DDX60L: variants seen among roughly 807,000 people sequenced by gnomAD.
DDX60L encodes DExD/H-box 60 like, also known as probable ATP-dependent RNA helicase DDX60-like.
Under a neutral mutation model 211.6 loss-of-function variants are expected in DDX60L, and 191 were observed. That is an observed-to-expected ratio of 0.90 (90% CI 0.80 to 1.02). The LOEUF (loss-of-function observed/expected upper bound fraction) is 1.02. Ranked by LOEUF, DDX60L falls within the 50% of genes least tolerant of loss-of-function variation. DDX60L has a pLI of 0.00. For missense variants in DDX60L, 2,007 were observed against 1,984.1 expected, an observed-to-expected ratio of 1.01 and a Z score of -0.22; for synonymous variants, 706 against 694.1, an observed-to-expected ratio of 1.02 and a Z score of -0.27.
At chr4:168,371,861 C>G in intron 35 of DDX60L, 98 bp from the exon 36 acceptor site, 1 of 1,182,056 alleles carries the variant, frequency 8.5e-7, no homozygotes, top group Non-Finnish European at 1.2e-6. Context: ...TCTTAAAGTA[C>G]GTTCTGAAGA....
chr4:168,394,350 T>C, intron 28 of DDX60L, 115 bp downstream of exon 28: 3 of 750,970 alleles, frequency 4.0e-6, no homozygotes, highest in Non-Finnish European at 6.2e-6. Context: ...TGAGTTGTAA[T>C]AAAAAGACAC....
intron 4 of DDX60L, among the ~76,000 whole-genome samples, chr4:168,468,424 A>AT (rs1207790785): frequency 6.6e-6 from 1 of 152,118 alleles, no homozygotes; most frequent in South Asian, 2.1e-4. Flanking sequence ...TAGAAAAAGC[A>AT]TTTTTTAAAA....
At chr4:168,477,277 T>C (rs962798233) in intron 1 of DDX60L, among the ~76,000 whole-genome samples, 2 of 151,800 alleles carry the variant, frequency 1.3e-5, no homozygotes, top group East Asian at 1.9e-4. Context: ...TAGCCGGGCG[T>C]GGTGGCAGGC....
chr4:168,396,364 C>A (rs1024060807), intron 26 of DDX60L, among the ~76,000 whole-genome samples: 1 of 152,060 alleles, frequency 6.6e-6, no homozygotes, highest in African/African-American at 2.4e-5. Context: ...TCTCCTCCTT[C>A]ACACTGTAAC....
intron 33 of DDX60L, 134 bp downstream of exon 33, chr4:168,378,220 T>G: frequency 2.1e-6 from 1 of 482,562 alleles, no homozygotes; most frequent in East Asian, 3.6e-5. Flanking sequence ...AGAACTCTAA[T>G]TATGAAAAGA....
intron 36 of DDX60L, among the ~76,000 whole-genome samples, chr4:168,371,373 C>A (rs897917954): frequency 6.7e-6 from 1 of 148,264 alleles, no homozygotes; most frequent in African/African-American, 2.5e-5. Context: ...AGTTTCTAAT[C>A]ACCAGAAATC....
intron 37 of DDX60L, among the ~76,000 whole-genome samples, chr4:168,360,489 T>TAACAAGG (rs140054835): frequency 0.01 from 1,534 of 152,292 alleles, 28 homozygotes; most frequent in African/African-American, 0.034. Context: ...ATGTCCTCAC[T>TAACAAGG]AACAAGGAAC....
In DDX60L at chr4:168,373,755, A is replaced by G. The variant is rs200007771; in HGVS notation, c.4687T>C (p.Cys1563Arg). 1 of 1,614,082 alleles carries G rather than the reference A, an allele frequency of 6.2e-7. No homozygotes were observed. Among genetic ancestry groups the G allele is most frequent in the Non-Finnish European group, 8.5e-7 (1 of 1,179,946 alleles). Reference protein sequence around the residue: ...DSQLVSHLMSCKKGRVAISPF... With the variant: ...DSQLVSHLMSRKKGRVAISPF... ...GAAATGGCTACTCTTCCTTTCTTGC[A>G]GCTCATCAAGTGAGACACGAGTTGG... Residue 1563 changes from cysteine to arginine, a missense_variant, in exon 35 of 38, where the codon TGC (cysteine) becomes CGC (arginine). Coordinates refer to ENST00000682922, the MANE Select transcript of DDX60L (RefSeq NM_001012967.3).
chr4:168,457,517 A>G lies in DDX60L; in HGVS notation c.723+375T>C, dbSNP rs958962290. On this transcript the variant is annotated intron_variant, in intron 6 of 37. Coordinates refer to ENST00000682922, the MANE Select transcript of DDX60L (RefSeq NM_001012967.3). ...GTAGTATAAAGCATAGCTTGAGAAG[A>G]TAATCAGAAAATTAGACTTAAGGTA... 7.9e-5 allele frequency among the ~76,000 whole-genome samples: 12 copies of G among 152,170 alleles called. No individual in the cohort carries two copies. In the East Asian group the frequency reaches 1.2e-3, roughly 15 times the overall value.
In DDX60L at chr4:168,453,123, C is replaced by G; in HGVS notation, c.996+1G>C. The G allele has an allele frequency of 6.2e-7, 1 of 1,601,426 alleles. No homozygotes were observed. Among genetic ancestry groups the G allele is most frequent in the Non-Finnish European group, 8.5e-7 (1 of 1,174,836 alleles). On this transcript the variant is annotated splice_donor_variant, in intron 8 of 37. Transcript: ENST00000682922. LOFTEE classifies it high-confidence loss of function. Reference sequence around the variant, plus strand: ...ACAAAAAATAAACAAAATATGTTTACCATTTTTAAGAAAGAATCACTGTTC... The same window carrying G: ...ACAAAAAATAAACAAAATATGTTTAGCATTTTTAAGAAAGAATCACTGTTC...
intron 20 of DDX60L, among the ~76,000 whole-genome samples, chr4:168,416,360 G>A (rs1472509915): frequency 6.6e-6 from 1 of 152,124 alleles, no homozygotes; most frequent in African/African-American, 2.4e-5. Context: ...CTGGCTATGG[G>A]AGACCTTGAT....
chr4:168,441,901 C>A (rs1297905276), intron 9 of DDX60L, among the ~76,000 whole-genome samples: 1 of 152,004 alleles, frequency 6.6e-6, no homozygotes, highest in African/African-American at 2.4e-5. Context: ...TAATTATTCC[C>A]AAAAATAATG....
intron 37 of DDX60L, among the ~76,000 whole-genome samples, chr4:168,358,970 T>C (rs1163655209): frequency 6.6e-6 from 1 of 152,166 alleles, no homozygotes; most frequent in Non-Finnish European, 1.5e-5. Flanking sequence ...ATAGGGACAA[T>C]TATTTTTAAA....
At chr4:168,363,200 T>C (rs904479136) in intron 36 of DDX60L, among the ~76,000 whole-genome samples, 1 of 152,078 alleles carries the variant, frequency 6.6e-6, no homozygotes, top group Non-Finnish European at 1.5e-5. Context: ...GAATACTACA[T>C]CCAGGAAAGC....
At chr4:168,474,756 C>T (rs1561148961) in intron 1 of DDX60L, among the ~76,000 whole-genome samples, 1 of 152,078 alleles carries the variant, frequency 6.6e-6, no homozygotes, top group Admixed American at 6.5e-5. Flanking sequence ...TTGATCGAAG[C>T]TTATATAATC....
intron 4 of DDX60L, among the ~76,000 whole-genome samples, chr4:168,468,094 G>C (rs137920702): frequency 0.016 from 2,389 of 152,212 alleles, 26 homozygotes; most frequent in Middle Eastern, 0.027. Context: ...TTGCACCTGG[G>C]AGGCAAAGGT....
chr4:168,446,094 C>G (rs1344528937), intron 9 of DDX60L, among the ~76,000 whole-genome samples: 3 of 150,940 alleles, frequency 2.0e-5, no homozygotes, highest in Non-Finnish European at 4.4e-5. Flanking sequence ...CAAATTGTCC[C>G]TGTTTGCAGA....
intron 36 of DDX60L, among the ~76,000 whole-genome samples, chr4:168,366,861 G>A (rs1295108682): frequency 1.3e-5 from 2 of 151,894 alleles, no homozygotes; most frequent in African/African-American, 2.4e-5. Context: ...TTATAAATTA[G>A]CTTTTCCCTC....
chr4:168,423,843 C>T, intron 14 of DDX60L, 69 bp from the exon 15 acceptor site: 1 of 1,030,338 alleles, frequency 9.7e-7, no homozygotes, highest in East Asian at 2.7e-5. Context: ...TTACGACAAT[C>T]ATTGAGTTAA....
Sources: gnomAD v4.1 joint callset for allele counts (sites outside exome capture counted in the v4.1 genomes callset) on GRCh38, gnomAD v4.1.1 for gene constraint, MANE v1.5 for transcripts, NCBI Gene and HGNC (gene_info 2026-07-23, HGNC 2026-07-21) for gene names.